MGAT4C: variants seen among roughly 807,000 people sequenced by gnomAD.
MGAT4C encodes the protein alpha-1,3-mannosyl-glycoprotein 4-beta-N-acetylglucosaminyltransferase C.
In MGAT4C, 19 loss-of-function variants were observed where a neutral mutation model predicts 40.1. The ratio of observed to expected loss-of-function variants is 0.47; its 90% CI spans 0.33 to 0.70. The LOEUF (loss-of-function observed/expected upper bound fraction) is 0.70. MGAT4C is among the 30% of genes least tolerant of loss of function. The probability of loss-of-function intolerance (pLI) is 0.02; values close to 1 mark genes in which losing one functional copy is unlikely to be tolerated. For synonymous variants in MGAT4C, 181 were observed against 187.1 expected, an observed-to-expected ratio of 0.97 and a Z score of 0.27; for missense variants, 491 against 563.2, an observed-to-expected ratio of 0.87 and a Z score of 1.30.
chr12:86,488,910 T>A (rs1958075850), intron 2 of MGAT4C, among the ~76,000 whole-genome samples: 1 of 152,158 alleles, frequency 6.6e-6, no homozygotes, highest in Admixed American at 6.6e-5. Context: ...AGAGAAATTC[T>A]GGGCAGACAG....
intron 2 of MGAT4C, among the ~76,000 whole-genome samples, chr12:86,678,177 T>A (rs186870840): frequency 2.6e-5 from 4 of 152,116 alleles, no homozygotes; most frequent in Non-Finnish European, 5.9e-5. Flanking sequence ...CTCACCAAAG[T>A]GGGGAGCAAA....
intron 1 of MGAT4C, among the ~76,000 whole-genome samples, chr12:86,769,497 C>T (rs1951588202): frequency 6.6e-6 from 1 of 152,178 alleles, no homozygotes. Context: ...CCATTTGACC[C>T]AGCCATCCCG....
At chr12:86,537,913 C>T (rs1959102001) in intron 2 of MGAT4C, among the ~76,000 whole-genome samples, 1 of 151,990 alleles carries the variant, frequency 6.6e-6, no homozygotes, top group Non-Finnish European at 1.5e-5. Context: ...ATGGCAAAAC[C>T]CCGTCTCTAC....
chr12:86,734,970 G>A (rs1715099696), intron 1 of MGAT4C, among the ~76,000 whole-genome samples: 1 of 152,002 alleles, frequency 6.6e-6, no homozygotes, highest in African/African-American at 2.4e-5. Context: ...GTGTGTATAA[G>A]ATGTTATTTA....
At chr12:86,459,602 T>A (rs1957563118) in intron 2 of MGAT4C, among the ~76,000 whole-genome samples, 1 of 151,780 alleles carries the variant, frequency 6.6e-6, no homozygotes, top group Non-Finnish European at 1.5e-5. Flanking sequence ...AAGTTTCAGA[T>A]GAGAATTATA....
chr12:86,155,287 A>G (rs1884794435), intron 1 of MGAT4C, among the ~76,000 whole-genome samples: 2 of 152,204 alleles, frequency 1.3e-5, no homozygotes, highest in African/African-American at 4.8e-5. Context: ...ATTTTGTATC[A>G]AAGTATAATG....
chr12:86,424,838 C>T (rs778882406), intron 3 of MGAT4C, among the ~76,000 whole-genome samples: 1 of 152,136 alleles, frequency 6.6e-6, no homozygotes, highest in Non-Finnish European at 1.5e-5. Flanking sequence ...CTCACTGCAA[C>T]CTCTGCCTCC....
At position 86,012,566 on chromosome 12, in the gene MGAT4C, C is replaced by T. The variant is rs1232622660; in HGVS notation, c.-6-23014G>A. 2.0e-5 allele frequency among the ~76,000 whole-genome samples: 3 copies of T among 151,722 alleles called. No individual in the cohort carries two copies. In the East Asian group the frequency reaches 5.8e-4, roughly 29 times the overall value. ...GACCAGCCTGGCCAACATGGCAGAACCCCATCTCTACTAAAAATACAAAAA... is the reference window on the plus strand; with the variant it reads ...GACCAGCCTGGCCAACATGGCAGAATCCCATCTCTACTAAAAATACAAAAA... On this transcript the variant is annotated intron_variant, in intron 2 of 4. Coordinates refer to ENST00000611864, the MANE Select transcript of MGAT4C (RefSeq NM_001351288.2).
intron 3 of MGAT4C, among the ~76,000 whole-genome samples, chr12:85,987,238 G>A (rs1885341014): frequency 7.5e-6 from 1 of 133,528 alleles, no homozygotes; most frequent in Non-Finnish European, 1.5e-5. Flanking sequence ...CCGGGTTCAC[G>A]CCATTCTCCT....
chr12:86,761,908 G>A (rs1275967513), intron 1 of MGAT4C, among the ~76,000 whole-genome samples: 1 of 151,914 alleles, frequency 6.6e-6, no homozygotes, highest in Non-Finnish European at 1.5e-5. Flanking sequence ...AAGTCTCTGT[G>A]GCATATAGAA....
intron 2 of MGAT4C, among the ~76,000 whole-genome samples, chr12:86,567,038 C>T (rs115075833): frequency 0.021 from 3,124 of 152,156 alleles, 102 homozygotes; most frequent in African/African-American, 0.071. Context: ...GTGGAATACC[C>T]TTTTGAAATC....
intron 2 of MGAT4C, among the ~76,000 whole-genome samples, chr12:86,451,874 T>C (rs1247936725): frequency 6.6e-6 from 1 of 152,148 alleles, no homozygotes. Context: ...TTAATTATAG[T>C]TCTCTGTTGA....
At position 86,804,468 on chromosome 12, in the gene MGAT4C, T is replaced by A. The variant is rs935634004; in HGVS notation, c.-262+34198A>T. Among the ~76,000 whole-genome samples the A allele has an allele frequency of 6.3e-4, 93 of 147,980 alleles. 1 individual carries two copies. Among genetic ancestry groups the A allele is most frequent in the African/African-American group, 2.0e-3 (80 of 40,260 alleles). On this transcript the variant is annotated intron_variant, in intron 1 of 7. Coordinates refer to the MGAT4C transcript ENST00000548651. ...AATAAAGAAAGAAAGAAGAAAAAAA[T>A]ATATATTTTTCTTTTATGAATTAGC...
At position 86,353,517 on chromosome 12, in the gene MGAT4C, A is replaced by C. The variant is rs141142134; in HGVS notation, c.-119-19390T>G. Among the ~76,000 whole-genome samples, 511 of 152,274 alleles carry C rather than the reference A, an allele frequency of 3.4e-3. 1 individual carries two copies. Among genetic ancestry groups the C allele is most frequent in the African/African-American group, 0.012 (480 of 41,558 alleles). ...AAGGAAACTTATCTCATTGTGGTGC[A>C]GACTCTAGGAACTGTGACCGCTATA... On this transcript the variant is annotated intron_variant, in intron 3 of 7. Transcript: ENST00000548651.
chr12:86,413,245 A>G (rs1377130966), intron 3 of MGAT4C, among the ~76,000 whole-genome samples: 1 of 152,186 alleles, frequency 6.6e-6, no homozygotes, highest in Non-Finnish European at 1.5e-5. Context: ...TGTGGGAAGT[A>G]CTATCGAGAA....
intron 3 of MGAT4C, among the ~76,000 whole-genome samples, chr12:86,419,018 G>A (rs1473664923): frequency 2.0e-5 from 3 of 152,002 alleles, no homozygotes; most frequent in Non-Finnish European, 4.4e-5. Flanking sequence ...AGTTATTATG[G>A]TTATTGCAAA....
At chr12:86,733,186 T>C (rs1283103983) in intron 1 of MGAT4C, among the ~76,000 whole-genome samples, 1 of 152,136 alleles carries the variant, frequency 6.6e-6, no homozygotes, top group Non-Finnish European at 1.5e-5. Context: ...CTTTTCATTG[T>C]ATTTTCTGCT....
At chr12:86,660,933 C>A (rs1963966587) in intron 2 of MGAT4C, among the ~76,000 whole-genome samples, 1 of 152,148 alleles carries the variant, frequency 6.6e-6, no homozygotes. Context: ...GAAGCAACAT[C>A]ATCTCAATAA....
intron 2 of MGAT4C, among the ~76,000 whole-genome samples, chr12:86,623,705 G>A (rs1049716437): frequency 3.3e-5 from 5 of 152,034 alleles, no homozygotes; most frequent in African/African-American, 1.2e-4. Flanking sequence ...AAAGAACATT[G>A]GCAAAATTGT....
Sources: allele counts gnomAD v4.1 joint callset (sites outside exome capture counted in the v4.1 genomes callset), GRCh38; gene constraint gnomAD v4.1.1; transcripts MANE v1.5; gene names NCBI Gene and HGNC (gene_info 2026-07-23, HGNC 2026-07-21).